ABCC9: variants seen among roughly 807,000 people sequenced by gnomAD.
ABCC9 encodes ATP-binding cassette sub-family C member 9.
Under a neutral mutation model 188.3 loss-of-function variants are expected in ABCC9, and 95 were observed. The observed-to-expected ratio is 0.50, with a 90% CI of 0.43 to 0.60. The LOEUF (loss-of-function observed/expected upper bound fraction) is 0.60. Among genes scored for constraint, ABCC9 ranks in the 20% least tolerant of loss-of-function variants. The pLI is 0.00. For missense variants in ABCC9, 1,102 were observed against 1,876.3 expected (o/e 0.59, Z 7.62); for synonymous variants, 659 against 652.7 (o/e 1.01, Z -0.15).
At chr12:21,875,541 C>A in intron 17 of ABCC9, 113 bp downstream of exon 17, 1 of 795,506 alleles carries the variant, frequency 1.3e-6, no homozygotes, top group Non-Finnish European at 2.1e-6. Context: ...AATAGGTAAT[C>A]ATAAATAATA....
rs1008632766 is a variant in ABCC9 at position 21,898,372 on chromosome 12, G to C, written c.1619-3057C>G. Among the ~76,000 whole-genome samples, 3 of 152,076 alleles carry C rather than the reference G, an allele frequency of 2.0e-5. No individual in the cohort carries two copies. The South Asian group carries it at 6.2e-4, about 32-fold the overall frequency. Reference sequence around the variant, plus strand: ...CTGAAGAGAAGGATGTATTGAAGGGGTCACCAACTTAGAGTAGTACAATAT... The same window carrying C: ...CTGAAGAGAAGGATGTATTGAAGGGCTCACCAACTTAGAGTAGTACAATAT... On this transcript the variant is annotated intron_variant, in intron 12 of 39. Coordinates refer to ENST00000261200, the MANE Select transcript of ABCC9 (RefSeq NM_020297.4).
rs145168386 is a variant in ABCC9, at chr12:21,905,230, T to G, written c.1618+896A>C. On this transcript the variant is annotated intron_variant, in intron 12 of 39. Coordinates refer to ENST00000261200, the MANE Select transcript of ABCC9 (RefSeq NM_020297.4). Reference sequence around the variant, plus strand: ...GGTGGGAACTGAACAATGAAAACACTTGGACCCCTCACATCACACACCGGG... The same window carrying G: ...GGTGGGAACTGAACAATGAAAACACGTGGACCCCTCACATCACACACCGGG... 3.6e-3 allele frequency among the ~76,000 whole-genome samples: 550 copies of G among 151,740 alleles called. 5 individuals carry two copies. The highest frequency in any genetic ancestry group is 0.012 in the African/African-American group (505 of 41,368).
At chr12:21,928,598 A>T (rs148498276) in intron 4 of ABCC9, among the ~76,000 whole-genome samples, 2 of 152,310 alleles carry the variant, frequency 1.3e-5, no homozygotes, top group African/African-American at 2.4e-5. Flanking sequence ...AACCTTAAAC[A>T]GGTTTGATAA....
At chr12:21,843,176 C>T (rs1436084900) in intron 28 of ABCC9, among the ~76,000 whole-genome samples, 1 of 152,050 alleles carries the variant, frequency 6.6e-6, no homozygotes, top group East Asian at 1.9e-4. Flanking sequence ...AACTATTTTC[C>T]TACATTACTT....
At chr12:21,802,553 C>T (rs1466756246) in intron 39 of ABCC9, among the ~76,000 whole-genome samples, 1 of 152,152 alleles carries the variant, frequency 6.6e-6, no homozygotes, top group Non-Finnish European at 1.5e-5. Flanking sequence ...CTTTTACATG[C>T]TTCTATTAGT....
At chr12:21,813,253 T>C (rs1448151369) in intron 35 of ABCC9, among the ~76,000 whole-genome samples, 5 of 152,152 alleles carry the variant, frequency 3.3e-5, no homozygotes, top group Non-Finnish European at 7.4e-5. Flanking sequence ...TATGGACTTA[T>C]AGAGGTTTGT....
intron 19 of ABCC9, among the ~76,000 whole-genome samples, chr12:21,863,832 A>C (rs776088948): frequency 1.3e-5 from 2 of 152,156 alleles, no homozygotes; most frequent in Non-Finnish European, 2.9e-5. Context: ...AATAGGGTTA[A>C]AAGAGAGCAA....
intron 24 of ABCC9, among the ~76,000 whole-genome samples, chr12:21,850,292 A>G (rs1021540236): frequency 4.6e-5 from 7 of 152,046 alleles, no homozygotes; most frequent in African/African-American, 1.7e-4. Context: ...AGTAAACCGA[A>G]ATCTGTTTGT....
chr12:21,922,743 T>C (rs931665752), intron 5 of ABCC9, among the ~76,000 whole-genome samples: 5 of 131,458 alleles, frequency 3.8e-5, no homozygotes, highest in South Asian at 4.7e-4. Flanking sequence ...ACCAAGCTTT[T>C]TTTTTTTCTT....
intron 14 of ABCC9, among the ~76,000 whole-genome samples, chr12:21,893,632 C>G (rs1947275860): frequency 6.6e-6 from 1 of 151,998 alleles, no homozygotes; most frequent in Non-Finnish European, 1.5e-5. Context: ...TACAGATAAA[C>G]AGAGATGCGT....
intron 5 of ABCC9, among the ~76,000 whole-genome samples, chr12:21,921,539 G>C (rs77694158): frequency 6.6e-6 from 1 of 151,698 alleles, no homozygotes; most frequent in Non-Finnish European, 1.5e-5. Context: ...TCACTTTGTT[G>C]ACTTTTTCCT....
chr12:21,902,291 T>C (rs1592190381), intron 12 of ABCC9, among the ~76,000 whole-genome samples: 1 of 151,380 alleles, frequency 6.6e-6, no homozygotes, highest in African/African-American at 2.4e-5. Context: ...GGGACACATT[T>C]AAAGCAGTGT....
At chr12:21,896,190 G>A (rs1565458399) in intron 12 of ABCC9, among the ~76,000 whole-genome samples, 1 of 150,384 alleles carries the variant, frequency 6.6e-6, no homozygotes, top group Non-Finnish European at 1.5e-5. Context: ...TGCCATGCTG[G>A]TGCGCTGCAA....
intron 5 of ABCC9, among the ~76,000 whole-genome samples, chr12:21,919,884 T>C (rs1482078834): frequency 6.6e-6 from 1 of 152,026 alleles, no homozygotes; most frequent in Non-Finnish European, 1.5e-5. Flanking sequence ...TCTAGTGATA[T>C]CAAGCATGCA....
chr12:21,856,199 A>C (rs552205897), intron 22 of ABCC9, among the ~76,000 whole-genome samples: 1 of 152,282 alleles, frequency 6.6e-6, no homozygotes, highest in South Asian at 2.1e-4. Context: ...AACTTACTAA[A>C]AATTGAGGCT....
At chr12:21,899,225 T>C (rs1947586913) in intron 12 of ABCC9, among the ~76,000 whole-genome samples, 3 of 152,222 alleles carry the variant, frequency 2.0e-5, no homozygotes. Flanking sequence ...TGCAATCATC[T>C]GAATCATCTA....
chr12:21,817,339 A>G, intron 32 of ABCC9, 32 bp from the exon 33 acceptor site: 2 of 1,609,538 alleles, frequency 1.2e-6, no homozygotes, highest in Non-Finnish European at 1.7e-6. Context: ...ATTGTTTTAA[A>G]TAAATTAAAG....
chr12:21,922,501 G>C (rs1017004362), intron 5 of ABCC9, among the ~76,000 whole-genome samples: 2 of 151,588 alleles, frequency 1.3e-5, no homozygotes, highest in Non-Finnish European at 3.0e-5. Context: ...AGAAACAATT[G>C]AAAATGAAAT....
rs942285552 is a variant in ABCC9, at chr12:21,904,349, A to G, written c.1618+1777T>C. ...CCTAGAAGAAAACCTAGGCAATACCATTCAGGACATTGGCATGGGCAAGGA... is the reference window on the plus strand; with the variant it reads ...CCTAGAAGAAAACCTAGGCAATACCGTTCAGGACATTGGCATGGGCAAGGA... On this transcript the variant is annotated intron_variant, in intron 12 of 39. Coordinates refer to ENST00000261200, the MANE Select transcript of ABCC9 (RefSeq NM_020297.4). Among the ~76,000 whole-genome samples, 4 of 152,196 alleles carry G rather than the reference A, an allele frequency of 2.6e-5. 1 individual carries two copies. The highest frequency in any genetic ancestry group is 6.5e-5 in the Admixed American group (1 of 15,272).
Sources: gnomAD v4.1 joint callset for allele counts (sites outside exome capture counted in the v4.1 genomes callset) on GRCh38, gnomAD v4.1.1 for gene constraint, MANE v1.5 for transcripts, NCBI Gene and HGNC (gene_info 2026-07-23, HGNC 2026-07-21) for gene names.